Variants in ZNF626 observed in about 807,000 individuals in gnomAD.
The protein encoded by ZNF626 is zinc finger protein 626.
In ZNF626, 4 loss-of-function variants were observed where a neutral mutation model predicts 11.7. That is an observed-to-expected ratio of 0.34 (90% CI 0.17 to 0.78). The LOEUF (loss-of-function observed/expected upper bound fraction) is 0.78. Ranked by LOEUF, ZNF626 falls within the 30% of genes least tolerant of loss-of-function variation. The probability of loss-of-function intolerance (pLI) is 0.57; values close to 1 mark genes in which losing one functional copy is unlikely to be tolerated. For synonymous variants in ZNF626, 179 were observed against 198.6 expected, an observed-to-expected ratio of 0.90 and a Z score of 0.83; for missense variants, 588 against 587.1, an observed-to-expected ratio of 1.00 and a Z score of -0.01.
chr19:20,655,988 A>G (rs1970201006), intron 1 of ZNF626, among the ~76,000 whole-genome samples: 1 of 152,084 alleles, frequency 6.6e-6, no homozygotes, highest in African/African-American at 2.4e-5. Flanking sequence ...AACTTTTTGA[A>G]GAGTTTGAAC....
chr19:20,623,828 G>C lies in ZNF626; in HGVS notation c.*462C>G. ...AAAAAAAAAAAAAAAGACAGAACTT[G>C]TTATATGCTTTGCCACATTCTTCAC... is the stretch of plus-strand genomic sequence containing the variant. On this transcript the variant is annotated 3_prime_UTR_variant, in exon 4 of 4. Transcript: ENST00000601440. 3.6e-6 allele frequency: 1 copy of C among 280,830 alleles called. No homozygotes were observed. The highest frequency in any genetic ancestry group is 3.7e-5 in the South Asian group (1 of 27,290). The allele number at this position is 280,830 out of a possible 1,614,324, so 17.4% of individuals were successfully genotyped here.
chr19:20,658,773 T>G (rs1243957139), intron 1 of ZNF626, among the ~76,000 whole-genome samples: 1 of 151,916 alleles, frequency 6.6e-6, no homozygotes, highest in East Asian at 1.9e-4. Flanking sequence ...GCACAGACCC[T>G]GATCCAGGGC....
chr19:20,624,026 C>T lies in ZNF626; in HGVS notation c.*264G>A. On this transcript the variant is annotated 3_prime_UTR_variant, in exon 4 of 4. Coordinates refer to ENST00000601440, the MANE Select transcript of ZNF626 (RefSeq NM_001076675.3). ...CATTCATCACATTCACATGGTTTCT[C>T]TCCAGTATGAATTATCTTATGTGCA... 1 of 668,754 alleles carries T rather than the reference C, an allele frequency of 1.5e-6. No individual in the cohort carries two copies. Among genetic ancestry groups the T allele is most frequent in the Non-Finnish European group, 2.7e-6 (1 of 373,840 alleles). The allele number at this position is 668,754 out of a possible 1,614,324, so 41.4% of individuals were successfully genotyped here. A position where few individuals can be genotyped will look rare whatever the true frequency, so the allele number is the denominator to read the frequency against.
At chr19:20,628,758 T>C (rs1969869221) in intron 3 of ZNF626, among the ~76,000 whole-genome samples, 1 of 152,224 alleles carries the variant, frequency 6.6e-6, no homozygotes. Context: ...TGGTGGTTTC[T>C]TTTGCTGTGC....
At chr19:20,633,342 G>A (rs1225961175) in intron 3 of ZNF626, among the ~76,000 whole-genome samples, 8 of 151,964 alleles carry the variant, frequency 5.3e-5, no homozygotes, top group African/African-American at 1.9e-4. Flanking sequence ...GTCTGCAGAG[G>A]TTACTGCTGT....
chr19:20,645,721 C>G lies in ZNF626; in HGVS notation c.189G>C (p.Leu63Phe), dbSNP rs1970069551. Residue 63 changes from leucine (L) to phenylalanine (F), a missense_variant, in exon 3 of 4, where the codon TTG becomes TTC. Physicochemically the swap from Leu to Phe is conservative, Grantham distance 22. Coordinates refer to ENST00000601440, the MANE Select transcript of ZNF626 (RefSeq NM_001076675.3). ...CTATCATCTCATTTCTCTTCATGGT[C>G]AAAGGTTTTCTTCCTTGCTCCAGAC... The part of the protein sequence containing the change: ...ITCLEQGRKP[L>F]TMKRNEMIAK... 4 of 1,612,138 alleles carry G rather than the reference C, an allele frequency of 2.5e-6. No individual in the cohort carries two copies. Among genetic ancestry groups the G allele is most frequent in the Non-Finnish European group, 2.5e-6 (3 of 1,179,580 alleles).
chr19:20,642,989 TGA>T (rs1478708636), intron 3 of ZNF626, among the ~76,000 whole-genome samples: 1 of 147,592 alleles, frequency 6.8e-6, no homozygotes, highest in African/African-American at 2.5e-5. Flanking sequence ...CCAGTCTGGA[TGA>T]GAGAGGGTAA....
At chr19:20,640,124 G>A (rs1232361371) in intron 3 of ZNF626, among the ~76,000 whole-genome samples, 4 of 151,278 alleles carry the variant, frequency 2.6e-5, no homozygotes, top group Non-Finnish European at 4.4e-5. Flanking sequence ...TATCAACACC[G>A]ATAAAATAAA....
Position 20,624,357 on chromosome 19 carries a change from T to G in ZNF626, c.1520A>C (p.Asn507Thr). 7.1e-7 allele frequency: 1 copy of G among 1,399,034 alleles called. No individual in the cohort carries two copies. Among genetic ancestry groups the G allele is most frequent in the South Asian group, 1.3e-5 (1 of 74,972 alleles). 86.7% of individuals were successfully genotyped at this position (1,399,034 alleles called of 1,614,324 possible). The stretch of plus-strand genomic sequence containing the variant: ...TGCCACATTCTTCACATTTGTAGAA[T>G]TTCTCTCCAGTATGATTCTCTCATG... ...TTHERIILERNSTNVKNVAKP... is the reference protein window; with the variant it reads ...TTHERIILERTSTNVKNVAKP... The change falls in exon 4 of 4, where the codon AAT becomes ACT. Residue 507 changes from asparagine to threonine, a missense_variant. Around this residue, in one of 4 missense-constraint regions of ZNF626, gnomAD observed 43 missense variants for 38.0 expected, o/e 1.13. Coordinates refer to ENST00000601440, the MANE Select transcript of ZNF626 (RefSeq NM_001076675.3).
intron 3 of ZNF626, among the ~76,000 whole-genome samples, chr19:20,637,193 A>G (rs1555771001): frequency 6.6e-6 from 1 of 152,142 alleles, no homozygotes; most frequent in Admixed American, 6.5e-5. Flanking sequence ...ACAATATGTA[A>G]ATGTGCATAA....
At chr19:20,626,784 T>C (rs555106680) in intron 3 of ZNF626, among the ~76,000 whole-genome samples, 3 of 151,876 alleles carry the variant, frequency 2.0e-5, no homozygotes, top group Admixed American at 1.3e-4. Flanking sequence ...GGAGGCCACC[T>C]TGGCCTCCTA....
intron 1 of ZNF626, among the ~76,000 whole-genome samples, chr19:20,659,927 A>C (rs1385675686): frequency 1.3e-5 from 2 of 151,930 alleles, no homozygotes; most frequent in Non-Finnish European, 2.9e-5. Context: ...AGCAGTCTTG[A>C]GATATCCGCA....
At chr19:20,653,680 A>T (rs1189193562) in intron 1 of ZNF626, among the ~76,000 whole-genome samples, 1 of 151,092 alleles carries the variant, frequency 6.6e-6, no homozygotes, top group East Asian at 1.9e-4. Context: ...AAAGAAAGGA[A>T]AAGAACAGGG....
chr19:20,660,657 C>T (rs1042634285), intron 1 of ZNF626, among the ~76,000 whole-genome samples: 71 of 152,092 alleles, frequency 4.7e-4, no homozygotes, highest in Admixed American at 1.2e-3. Flanking sequence ...CTCCTGACCA[C>T]GTGATCCACC....
chr19:20,661,508 G>A lies in ZNF626; in HGVS notation c.-62C>T. On this transcript the variant is annotated 5_prime_UTR_variant, in exon 1 of 4. Transcript: ENST00000601440. Reference sequence around the variant, plus strand: ...GATCTCCCAATACCTGCAGGACACGGGGCCACACAGCCTGGGCCTTTAGGA... The same window carrying A: ...GATCTCCCAATACCTGCAGGACACGAGGCCACACAGCCTGGGCCTTTAGGA... The A allele has an allele frequency of 3.1e-6, 5 of 1,595,054 alleles. No individual in the cohort carries two copies. The highest frequency in any genetic ancestry group is 1.7e-5 in the Admixed American group (1 of 58,552).
chr19:20,627,393 G>C (rs1323685331), intron 3 of ZNF626, among the ~76,000 whole-genome samples: 1 of 151,958 alleles, frequency 6.6e-6, no homozygotes, highest in Non-Finnish European at 1.5e-5. Flanking sequence ...GGATCTTTTA[G>C]AGGTTTTATG....
intron 3 of ZNF626, among the ~76,000 whole-genome samples, chr19:20,628,177 CGTT>C (rs1969862450): frequency 6.6e-6 from 1 of 151,572 alleles, no homozygotes. Context: ...TCCAGTCTAT[CGTT>C]GTTGGACATT....
chr19:20,629,727 G>A (rs1361360163), intron 3 of ZNF626, among the ~76,000 whole-genome samples: 1 of 152,164 alleles, frequency 6.6e-6, no homozygotes, highest in Non-Finnish European at 1.5e-5. Flanking sequence ...TCTGCAAACA[G>A]GGACAATTTG....
At chr19:20,660,235 A>C (rs1970249607) in intron 1 of ZNF626, among the ~76,000 whole-genome samples, 2 of 129,260 alleles carry the variant, frequency 1.5e-5, no homozygotes, top group South Asian at 2.5e-4. Context: ...CACAAGCGAC[A>C]CTGTGTCTAA....
Sources: allele counts gnomAD v4.1 joint callset (sites outside exome capture counted in the v4.1 genomes callset), GRCh38; gene constraint gnomAD v4.1.1; regional missense constraint gnomAD v4.1.1; transcripts MANE v1.5; gene names NCBI Gene and HGNC (gene_info 2026-07-23, HGNC 2026-07-21).